ATP5F1A: variants seen among roughly 807,000 people sequenced by gnomAD.
The protein encoded by ATP5F1A is ATP synthase F(1) complex subunit alpha, mitochondrial.
A neutral mutation model predicts 57.4 loss-of-function variants in ATP5F1A; 24 were observed. The ratio of observed to expected loss-of-function variants is 0.42; its 90% CI spans 0.30 to 0.59. ATP5F1A has a LOEUF of 0.59. Among genes scored for constraint, ATP5F1A ranks in the 20% least tolerant of loss-of-function variants. ATP5F1A has a pLI of 0.19. For missense variants in ATP5F1A, 494 were observed against 707.9 expected, an observed-to-expected ratio of 0.70 and a Z score of 3.43; for synonymous variants, 251 against 255.5, an observed-to-expected ratio of 0.98 and a Z score of 0.17.
intron 3 of ATP5F1A, 97 bp from the exon 4 acceptor site, chr18:46,090,093 G>GGGGGGGGGGGCCC: frequency 2.4e-6 from 1 of 414,292 alleles, no homozygotes; most frequent in Non-Finnish European, 4.3e-6. Flanking sequence ...GGTGGGGGGG[G>GGGGGGGGGGGCCC]AAGCAGTATT....
intron 1 of ATP5F1A, among the ~76,000 whole-genome samples, chr18:46,097,416 T>C (rs1243959992): frequency 6.6e-6 from 1 of 152,150 alleles, no homozygotes; most frequent in African/African-American, 2.4e-5. Context: ...TTTCCAACCT[T>C]GTTCTCTTTT....
At position 46,086,641 on chromosome 18, in the gene ATP5F1A, A is replaced by G. The variant is rs114158807; in HGVS notation, c.1177-147T>C. 4.0e-3 allele frequency: 2,818 copies of G among 708,724 alleles called. 63 individuals are homozygous for G. The African/African-American group carries it at 0.044, about 11-fold the overall frequency. The allele number at this position is 708,724 out of a possible 1,614,324, so 43.9% of individuals were successfully genotyped here. A position where few individuals can be genotyped will look rare whatever the true frequency, so the allele number is the denominator to read the frequency against. On this transcript the variant is annotated intron_variant, in intron 8 of 11. Coordinates refer to ENST00000398752, the MANE Select transcript of ATP5F1A (RefSeq NM_004046.6). ...CCAAATCTTTCACGACCTGACCTGT[A>G]TATTTTATTGCTGCAATTAGGAGAT... is the stretch of plus-strand genomic sequence containing the variant.
chr18:46,093,540 A>G (rs896881319), intron 2 of ATP5F1A, among the ~76,000 whole-genome samples: 3 of 151,664 alleles, frequency 2.0e-5, no homozygotes, highest in Non-Finnish European at 4.4e-5. Context: ...CTCTGTCTCA[A>G]AAAACAAAAC....
rs1910555832 is a variant in ATP5F1A at position 46,091,629 on chromosome 18, A to G, written c.309+53T>C. 5 of 1,477,644 alleles carry G rather than the reference A, an allele frequency of 3.4e-6. No individual in the cohort carries two copies. In the African/African-American group the frequency reaches 7.1e-5, roughly 21 times the overall value. 91.5% of individuals were successfully genotyped at this position (1,477,644 alleles called of 1,614,324 possible). On this transcript the variant is annotated intron_variant, in intron 3 of 11. Transcript: ENST00000398752. ...ATACAATCTTTGAATCGCTAAATGA[A>G]TAACTGAGAAGACTTAGATCCTAAA...
intron 6 of ATP5F1A, 77 bp from the exon 7 acceptor site, chr18:46,087,569 TA>T (rs1910210274): frequency 6.7e-7 from 1 of 1,491,950 alleles, no homozygotes; most frequent in South Asian, 1.2e-5. Flanking sequence ...ACCTAAGTGC[TA>T]AAAATATTTA....
At chr18:46,098,414 T>C, upstream of ATP5F1A, 1 of 1,361,374 alleles carries the variant, frequency 7.3e-7, no homozygotes, top group South Asian at 1.7e-5. Context: ...GCAGGTTACT[T>C]ATTTTTTTAT....
chr18:46,091,100 C>T (rs563813551), intron 3 of ATP5F1A, among the ~76,000 whole-genome samples: 2 of 152,322 alleles, frequency 1.3e-5, no homozygotes, highest in East Asian at 3.8e-4. Context: ...TCAAGACTAT[C>T]TTTTCCCATA....
intron 1 of ATP5F1A, among the ~76,000 whole-genome samples, chr18:46,103,907 C>CT (rs1911369484): frequency 1.3e-5 from 2 of 151,328 alleles, no homozygotes; most frequent in Admixed American, 6.6e-5. Context: ...AAGCGAGACT[C>CT]TGTCTCAAAA....
rs376799900 is a variant in ATP5F1A at position 46,098,270 on chromosome 18, A to C, written c.-39T>G. On this transcript the variant is annotated 5_prime_UTR_variant, in exon 1 of 12. Transcript: ENST00000398752. Reference sequence around the variant, plus strand: ...CCGCAGGCGGTACTTCTGCAGCCGCAGCCTCCGGACTGACTGGGACAAAAT... The same window carrying C: ...CCGCAGGCGGTACTTCTGCAGCCGCCGCCTCCGGACTGACTGGGACAAAAT... The C allele has an allele frequency of 3.1e-6, 5 of 1,588,120 alleles. No homozygotes were observed. In the East Asian group the frequency reaches 9.0e-5, roughly 29 times the overall value.
intron 1 of ATP5F1A, among the ~76,000 whole-genome samples, chr18:46,103,913 C>CAA (rs5824616): frequency 7.2e-6 from 1 of 138,494 alleles, no homozygotes. Flanking sequence ...GACTCTGTCT[C>CAA]AAAAAAAAAA....
At chr18:46,098,324 C>T, upstream of ATP5F1A, 2 of 1,457,468 alleles carry the variant, frequency 1.4e-6, no homozygotes, top group South Asian at 1.3e-5. Flanking sequence ...GTCAAGACAG[C>T]CGGCCCACCT....
At chr18:46,102,783 C>T (rs1403229589), upstream of ATP5F1A, among the ~76,000 whole-genome samples, 1 of 151,712 alleles carries the variant, frequency 6.6e-6, no homozygotes, top group Non-Finnish European at 1.5e-5. Flanking sequence ...CCTCTTTCTA[C>T]AAAAAATACA....
rs376794315 is a variant in ATP5F1A, at chr18:46,084,172, C to T, written c.*110G>A. On this transcript the variant is annotated 3_prime_UTR_variant, in exon 12 of 12. Transcript: ENST00000398752. Reference sequence around the variant, plus strand: ...TATGCATTATGGAACCTTTATTTTTCATGTGATTTCTGTACATAAGGAGTA... The same window carrying T: ...TATGCATTATGGAACCTTTATTTTTTATGTGATTTCTGTACATAAGGAGTA... 1 of 851,470 alleles carries T rather than the reference C, an allele frequency of 1.2e-6. No individual in the cohort carries two copies. Among genetic ancestry groups the T allele is most frequent in the Non-Finnish European group, 1.8e-6 (1 of 568,934 alleles). The allele number at this position is 851,470 out of a possible 1,614,324, so 52.7% of individuals were successfully genotyped here. A position where few individuals can be genotyped will look rare whatever the true frequency, so the allele number is the denominator to read the frequency against.
rs143380153 is a variant in ATP5F1A, at chr18:46,095,941, T to A, written c.61-810A>T. ...TCTCATTCTGTCACCCAAGCTGGAG[T>A]GCAGGGGCACGATCTTGGCTCATTG... On this transcript the variant is annotated intron_variant, in intron 1 of 11. Transcript: ENST00000398752. 6.6e-3 allele frequency among the ~76,000 whole-genome samples: 997 copies of A among 151,744 alleles called. 7 individuals are homozygous for A. Among genetic ancestry groups the A allele is most frequent in the African/African-American group, 0.022 (931 of 41,400 alleles).
rs755688242 is a variant in ATP5F1A at position 46,089,976 on chromosome 18, T to C, written c.330A>G (p.Glu110=). Residue 110 remains glutamate (E), a synonymous_variant, in exon 4 of 12, where the codon GAA becomes GAG. Coordinates refer to ENST00000398752, the MANE Select transcript of ATP5F1A (RefSeq NM_004046.6). ...SGLKGMSLNL[E]PDNVGVVVFG... ...ACACGACAACACCAACATTGTCAGG[T>C]TCCAAGTTCAAGGACATACCCTGCA... is the stretch of plus-strand genomic sequence containing the variant. The C allele has an allele frequency of 4.5e-5, 72 of 1,603,678 alleles. No homozygotes were observed. Among genetic ancestry groups the C allele is most frequent in the Non-Finnish European group, 5.9e-5 (69 of 1,176,096 alleles).
intron 6 of ATP5F1A, 76 bp downstream of exon 6, chr18:46,088,033 T>G (rs1202034449): frequency 6.6e-7 from 1 of 1,506,028 alleles, no homozygotes; most frequent in African/African-American, 1.4e-5. Flanking sequence ...TATGCCTTCA[T>G]TAAGTAGAAG....
chr18:46,089,702 C>T lies in ATP5F1A; in HGVS notation c.514G>A (p.Val172Ile), dbSNP rs1460876479. 1 of 1,614,118 alleles carries T rather than the reference C, an allele frequency of 6.2e-7. No individual in the cohort carries two copies. Among genetic ancestry groups the T allele is most frequent in the East Asian group, 2.2e-5 (1 of 44,886 alleles). Reference protein sequence around the residue: ...GPIGSKTRRRVGLKAPGIIPR... With the variant: ...GPIGSKTRRRIGLKAPGIIPR... ...ATGATACCGGGGGCTTTCAGACCAA[C>T]TCGCCTACGCGTCTTGGAACCAATT... Residue 172 changes from valine to isoleucine, a missense_variant, in exon 5 of 12, where the codon GTT becomes ATT. This residue lies in a region of ATP5F1A where 191 missense variants were observed against 267.7 expected (regional missense o/e 0.71). Transcript: ENST00000398752.
upstream of ATP5F1A, among the ~76,000 whole-genome samples, chr18:46,101,739 A>T (rs1911279041): frequency 6.6e-6 from 1 of 151,774 alleles, no homozygotes; most frequent in Admixed American, 6.6e-5. Flanking sequence ...CCCCTGCCCC[A>T]TCTTTAGCTG....
intron 3 of ATP5F1A, among the ~76,000 whole-genome samples, chr18:46,091,017 G>C (rs1175744527): frequency 1.3e-5 from 2 of 152,192 alleles, no homozygotes; most frequent in Non-Finnish European, 2.9e-5. Flanking sequence ...TACAGCTAAT[G>C]ATAACTTTGG....
Sources: allele counts gnomAD v4.1 joint callset (sites outside exome capture counted in the v4.1 genomes callset), GRCh38; gene constraint gnomAD v4.1.1; regional missense constraint gnomAD v4.1.1; transcripts MANE v1.5; gene names NCBI Gene and HGNC (gene_info 2026-07-23, HGNC 2026-07-21).